The following MYOT variants were observed in gnomAD, a reference collection of about 807,000 sequenced individuals.
The protein encoded by MYOT is myotilin, also known as 57 kDa cytoskeletal protein.
MYOT carries 36 observed loss-of-function variants against 58.0 expected under a neutral mutation model. The ratio of observed to expected loss-of-function variants is 0.62; its 90% CI spans 0.48 to 0.82. The LOEUF is 0.82. MYOT is among the 40% of genes least tolerant of loss of function. The pLI is 0.00. For missense variants in MYOT, 505 were observed against 592.1 expected (o/e 0.85, Z 1.53); for synonymous variants, 218 against 204.6 (o/e 1.07, Z -0.56).
rs1426764690 is a variant in MYOT at position 137,870,846 on chromosome 5, C to T, written c.195C>T (p.Ser65=). 2 of 1,614,084 alleles carry T rather than the reference C, an allele frequency of 1.2e-6. No individual in the cohort carries two copies. The highest frequency in any genetic ancestry group is 1.3e-5 in the African/African-American group (1 of 74,928). The part of the protein sequence containing the change: ...SSTLSSHITM[S]SSAFPASPQQ... The stretch of plus-strand genomic sequence containing the variant: ...CACTGAGCTCTCACATCACCATGTC[C>T]TCCTCTGCTTTCCCTGCTTCTCCCC... The change falls in exon 2 of 10, where the codon TCC becomes TCT. Residue 65 remains serine (S), a synonymous_variant. Transcript: ENST00000239926.
rs960309994 is a variant in MYOT at position 137,870,849 on chromosome 5, C to A, written c.198C>A (p.Ser66=). Residue 66 remains serine (S), a synonymous_variant, in exon 2 of 10, where the codon TCC becomes TCA. Coordinates refer to ENST00000239926, the MANE Select transcript of MYOT (RefSeq NM_006790.3). ...STLSSHITMS[S]SAFPASPQQH... is the part of the protein sequence containing the mutation. The stretch of plus-strand genomic sequence containing the variant: ...TGAGCTCTCACATCACCATGTCCTC[C>A]TCTGCTTTCCCTGCTTCTCCCCAGC... The A allele has an allele frequency of 6.2e-6, 10 of 1,614,076 alleles. No individual in the cohort carries two copies. Among genetic ancestry groups the A allele is most frequent in the Non-Finnish European group, 8.5e-6 (10 of 1,180,048 alleles).
intron 7 of MYOT, 170 bp downstream of exon 7, chr5:137,883,761 TA>T (rs1298321793): frequency 1.6e-6 from 1 of 609,050 alleles, no homozygotes; most frequent in East Asian, 2.9e-5. Context: ...TATATATATA[TA>T]CACACACATA....
chr5:137,873,561 G>A (rs541218154), intron 2 of MYOT, among the ~76,000 whole-genome samples: 30 of 151,218 alleles, frequency 2.0e-4, no homozygotes, highest in Non-Finnish European at 3.8e-4. Context: ...AAAAAAAAGT[G>A]GTCTATTATA....
At chr5:137,871,104 T>A in intron 2 of MYOT, 97 bp downstream of exon 2, 2 of 1,034,290 alleles carry the variant, frequency 1.9e-6, no homozygotes, top group Non-Finnish European at 2.9e-6. Context: ...GTTCATTCTT[T>A]ACTATCTAAA....
intron 8 of MYOT, 91 bp from the exon 9 acceptor site, chr5:137,886,772 GT>G: frequency 1.0e-6 from 1 of 968,650 alleles, no homozygotes; most frequent in African/African-American, 1.6e-5. Context: ...ATTTTCAAAT[GT>G]TTTTTTCTTC....
At chr5:137,878,962 C>T (rs1057166557) in intron 4 of MYOT, among the ~76,000 whole-genome samples, 1 of 152,190 alleles carries the variant, frequency 6.6e-6, no homozygotes, top group African/African-American at 2.4e-5. Flanking sequence ...ACCAGGAACA[C>T]AAATATTCCT....
At chr5:137,869,545 G>T (rs1487948706) in intron 1 of MYOT, among the ~76,000 whole-genome samples, 1 of 152,042 alleles carries the variant, frequency 6.6e-6, no homozygotes, top group African/African-American at 2.4e-5. Context: ...TCTTGGTAAG[G>T]TATAGACTAG....
At chr5:137,883,113 T>C (rs1755487566) in intron 6 of MYOT, 9 of 404,936 alleles carry the variant, frequency 2.2e-5, no homozygotes, top group South Asian at 2.1e-4. Flanking sequence ...AAATTAATGT[T>C]CTAAATATAG....
intron 1 of MYOT, among the ~76,000 whole-genome samples, chr5:137,868,908 AATGT>A (rs1212183738): frequency 1.3e-5 from 2 of 152,196 alleles, no homozygotes; most frequent in Non-Finnish European, 2.9e-5. Flanking sequence ...ATTCTAGTTT[AATGT>A]ATTTGTGTTC....
At chr5:137,883,301 T>C (rs1177986465) in intron 6 of MYOT, 83 bp from the exon 7 acceptor site, 9 of 1,160,430 alleles carry the variant, frequency 7.8e-6, no homozygotes, top group Non-Finnish European at 1.2e-5. Flanking sequence ...ATACGGGAAC[T>C]GTTTAAATTC....
rs565902195 is a variant in MYOT at position 137,883,455 on chromosome 5, C to T, written c.888C>T (p.His296=). The change falls in exon 7 of 10, where the codon CAC becomes CAT. Residue 296 remains histidine, a synonymous_variant. Coordinates refer to ENST00000239926, the MANE Select transcript of MYOT (RefSeq NM_006790.3). ...NGRTVQSDDL[H]KMIVSEKGLH... is the part of the protein sequence containing the mutation. ...GAACAGTTCAATCAGATGATTTGCA[C>T]AAAATGATAGTGTCTGAGAAGGGTC... 67 of 1,614,046 alleles carry T rather than the reference C, an allele frequency of 4.2e-5. 1 individual carries two copies. The South Asian group carries it at 6.9e-4, about 17-fold the overall frequency.
intron 4 of MYOT, among the ~76,000 whole-genome samples, chr5:137,878,494 C>A (rs1369937343): frequency 1.3e-5 from 2 of 151,936 alleles, no homozygotes; most frequent in African/African-American, 4.8e-5. Context: ...CTGGCCTCAA[C>A]TTGATTTTAA....
chr5:137,880,583 A>G (rs1755394159), intron 4 of MYOT: 1 of 434,378 alleles, frequency 2.3e-6, no homozygotes, highest in African/African-American at 2.0e-5. Flanking sequence ...AGTCTAGCTA[A>G]TTTTCATAAA....
At chr5:137,882,207 C>T in intron 6 of MYOT, 102 bp downstream of exon 6, 1 of 1,309,836 alleles carries the variant, frequency 7.6e-7, no homozygotes, top group Non-Finnish European at 1.1e-6. Context: ...GCAGTACGTA[C>T]AATGGACAAG....
chr5:137,870,923 A>T lies in MYOT; in HGVS notation c.272A>T (p.Gln91Leu). The T allele has an allele frequency of 6.2e-7, 1 of 1,614,230 alleles. No homozygotes were observed. The highest frequency in any genetic ancestry group is 8.5e-7 in the Non-Finnish European group (1 of 1,180,044). ...CAAAGGGTTACAACCACCTATAACC[A>T]GTCCCCAGCCAGCTTCCTCAGCTCC... ...PGQRVTTTYN[Q>L]SPASFLSSIL... Residue 91 changes from glutamine (Q) to leucine (L), a missense_variant, in exon 2 of 10, where the codon CAG (glutamine) becomes CTG (leucine). Gln to Leu is a moderately radical substitution (Grantham distance 113). Coordinates refer to ENST00000239926, the MANE Select transcript of MYOT (RefSeq NM_006790.3).
chr5:137,876,125 G>T, intron 3 of MYOT, 122 bp downstream of exon 3: 1 of 1,080,372 alleles, frequency 9.3e-7, no homozygotes, highest in South Asian at 1.5e-5. Flanking sequence ...TATCTAAAAA[G>T]AAGGAATATT....
rs1349300853 is a variant in MYOT, at chr5:137,870,864, T to C, written c.213T>C (p.Ala71=). The change falls in exon 2 of 10, where the codon GCT becomes GCC. Residue 71 remains alanine, a synonymous_variant. Transcript: ENST00000239926. ...CCATGTCCTCCTCTGCTTTCCCTGC[T>C]TCTCCCCAGCAGCATGCTGGCTCCA... ...HITMSSSAFP[A]SPQQHAGSNP... is the part of the protein sequence containing the mutation. The C allele has an allele frequency of 6.2e-7, 1 of 1,614,194 alleles. No individual in the cohort carries two copies.
rs1283241360 is a variant in MYOT at position 137,881,993 on chromosome 5, G to C, written c.704G>C (p.Gly235Ala). The C allele has an allele frequency of 1.2e-6, 2 of 1,614,030 alleles. No homozygotes were observed. Among genetic ancestry groups the C allele is most frequent in the East Asian group, 4.5e-5 (2 of 44,876 alleles). ...TGTAGAAGTAGATCAACCTCAAGGG[G>C]AGATGTGAATGATCAGGATGCAATC... ...SQVRSRSTSR[G>A]DVNDQDAIQE... Residue 235 changes from glycine (G) to alanine (A), a missense_variant, in exon 6 of 10, where the codon GGA becomes GCA. By Grantham distance (60) the Gly-to-Ala change is moderately conservative. Coordinates refer to ENST00000239926, the MANE Select transcript of MYOT (RefSeq NM_006790.3).
intron 4 of MYOT, 113 bp from the exon 5 acceptor site, chr5:137,880,703 G>A: frequency 2.4e-6 from 2 of 849,836 alleles, no homozygotes; most frequent in African/African-American, 1.7e-5. Context: ...ACTTACCAGG[G>A]CTGTTCAAAT....
Sources: gnomAD v4.1 joint callset for allele counts (sites outside exome capture counted in the v4.1 genomes callset) on GRCh38, gnomAD v4.1.1 for gene constraint, MANE v1.5 for transcripts, NCBI Gene and HGNC (gene_info 2026-07-23, HGNC 2026-07-21) for gene names.